Variants in TAF4B observed in about 807,000 individuals in gnomAD.
TAF4B encodes TATA-box binding protein associated factor 4b.
TAF4B carries 38 observed loss-of-function variants against 86.4 expected under a neutral mutation model. The ratio of observed to expected loss-of-function variants is 0.44; its 90% CI spans 0.34 to 0.58. The LOEUF (loss-of-function observed/expected upper bound fraction) is 0.58, where lower values mean the gene tolerates loss of function less well. Among genes scored for constraint, TAF4B ranks in the 20% least tolerant of loss-of-function variants. TAF4B has a pLI of 0.02. For missense variants in TAF4B, 988 were observed against 1,027.6 expected (o/e 0.96, Z 0.53); for synonymous variants, 388 against 391.2 (o/e 0.99, Z 0.10).
intron 1 of TAF4B, among the ~76,000 whole-genome samples, chr18:26,256,819 CTTTTTT>C (rs146699043): frequency 7.2e-4 from 102 of 142,090 alleles, no homozygotes; most frequent in African/African-American, 2.4e-3. Context: ...AGTTACCCCA[CTTTTTT>C]TTTTTTTTCT....
intron 14 of TAF4B, among the ~76,000 whole-genome samples, chr18:26,385,273 A>G (rs1198921664): frequency 6.6e-6 from 1 of 152,240 alleles, no homozygotes; most frequent in Non-Finnish European, 1.5e-5. Context: ...CATTATTAAA[A>G]TGGTGTTATT....
At chr18:26,387,418 T>C (rs1217463290) in intron 14 of TAF4B, among the ~76,000 whole-genome samples, 3 of 152,234 alleles carry the variant, frequency 2.0e-5, no homozygotes, top group Admixed American at 1.3e-4. Flanking sequence ...CTTCCTAATA[T>C]GTACTTTTTA....
At chr18:26,368,781 C>G (rs1042022065) in intron 14 of TAF4B, among the ~76,000 whole-genome samples, 1 of 151,824 alleles carries the variant, frequency 6.6e-6, no homozygotes, top group African/African-American at 2.4e-5. Flanking sequence ...CATAAATGAC[C>G]TAGACATAAA....
intron 1 of TAF4B, among the ~76,000 whole-genome samples, chr18:26,258,062 T>G (rs1310581575): frequency 6.6e-6 from 1 of 152,052 alleles, no homozygotes; most frequent in Non-Finnish European, 1.5e-5. Context: ...GAGACCATCC[T>G]GGCCAACATG....
chr18:26,278,044 C>G (rs114408388), intron 5 of TAF4B, among the ~76,000 whole-genome samples: 2,214 of 152,238 alleles, frequency 0.015, 44 homozygotes, highest in African/African-American at 0.051. Flanking sequence ...AAATATCTAA[C>G]AAATACCCAA....
At chr18:26,261,342 A>G (rs1319905236) in intron 1 of TAF4B, among the ~76,000 whole-genome samples, 1 of 150,642 alleles carries the variant, frequency 6.6e-6, no homozygotes, top group Admixed American at 6.6e-5. Flanking sequence ...CTGGGACTAC[A>G]GGCGCCCGCC....
intron 3 of TAF4B, 30 bp downstream of exon 3, chr18:26,267,653 T>C (rs745819641): frequency 3.1e-5 from 46 of 1,490,154 alleles, no homozygotes; most frequent in Non-Finnish European, 4.1e-5. Flanking sequence ...CGTGCACTTG[T>C]TGTTCTCTTA....
chr18:26,268,575 A>G (rs113133496), intron 3 of TAF4B, among the ~76,000 whole-genome samples: 145 of 152,114 alleles, frequency 9.5e-4, no homozygotes, highest in Non-Finnish European at 1.5e-3. Flanking sequence ...CGGCTTGTCT[A>G]TTTATCATCA....
At chr18:26,324,022 T>C (rs188270730) in intron 11 of TAF4B, among the ~76,000 whole-genome samples, 1 of 152,320 alleles carries the variant, frequency 6.6e-6, no homozygotes, top group East Asian at 1.9e-4. Flanking sequence ...TTTGTTTTGT[T>C]CCATTTTGAT....
intron 1 of TAF4B, among the ~76,000 whole-genome samples, chr18:26,259,716 C>A (rs1416340881): frequency 2.6e-5 from 4 of 152,180 alleles, no homozygotes; most frequent in Non-Finnish European, 4.4e-5. Flanking sequence ...CAAGTCTTTG[C>A]TATTGTGAAT....
chr18:26,290,560 T>A (rs1179361370), intron 7 of TAF4B, among the ~76,000 whole-genome samples: 1 of 152,202 alleles, frequency 6.6e-6, no homozygotes, highest in Admixed American at 6.5e-5. Flanking sequence ...GTACTGTTGC[T>A]ATGGCCTTTG....
chr18:26,296,311 T>C (rs954057898), intron 9 of TAF4B, among the ~76,000 whole-genome samples: 3 of 152,210 alleles, frequency 2.0e-5, no homozygotes, highest in African/African-American at 7.2e-5. Flanking sequence ...CACATTTCAG[T>C]CTGCCAATTT....
chr18:26,243,271 CTTTG>C (rs1362930078), intron 1 of TAF4B, among the ~76,000 whole-genome samples: 4 of 152,116 alleles, frequency 2.6e-5, no homozygotes, highest in African/African-American at 4.8e-5. Context: ...TTCCTGGAGG[CTTTG>C]TTTATTTTTT....
At chr18:26,290,230 C>T (rs1333783183) in intron 7 of TAF4B, among the ~76,000 whole-genome samples, 2 of 152,082 alleles carry the variant, frequency 1.3e-5, no homozygotes, top group Admixed American at 1.3e-4. Flanking sequence ...GCCTCGATCT[C>T]CTGGGCTCAA....
intron 5 of TAF4B, among the ~76,000 whole-genome samples, chr18:26,280,840 A>G (rs948508439): frequency 1.3e-5 from 2 of 152,212 alleles, no homozygotes; most frequent in African/African-American, 2.4e-5. Flanking sequence ...TAAAAAAGAC[A>G]TATGCACTTG....
At chr18:26,380,626 TG>T (rs1455919037) in intron 14 of TAF4B, among the ~76,000 whole-genome samples, 14 of 152,200 alleles carry the variant, frequency 9.2e-5, no homozygotes, top group Non-Finnish European at 1.9e-4. Context: ...AAGTCTGCTT[TG>T]TTTTTTTAAA....
intron 13 of TAF4B, among the ~76,000 whole-genome samples, chr18:26,346,827 ATATATATATG>A (rs2057193797): frequency 3.8e-5 from 1 of 25,986 alleles, no homozygotes; most frequent in Non-Finnish European, 1.0e-4. Flanking sequence ...GTGTGTGTAT[ATATATATATG>A]TGTGTGTGTA....
intron 14 of TAF4B, among the ~76,000 whole-genome samples, chr18:26,361,744 CAAAAAA>C (rs112740348): frequency 1.3e-5 from 1 of 78,048 alleles, no homozygotes; most frequent in Admixed American, 1.4e-4. Flanking sequence ...GACTCCGTCT[CAAAAAA>C]AAAAAAAAAA....
At chr18:26,315,537 G>T in intron 10 of TAF4B, 139 bp downstream of exon 10, 1 of 530,528 alleles carries the variant, frequency 1.9e-6, no homozygotes, top group Non-Finnish European at 3.1e-6. Context: ...GATTTCATGG[G>T]CATTACAGAA....
Sources: allele counts gnomAD v4.1 joint callset (sites outside exome capture counted in the v4.1 genomes callset), GRCh38; gene constraint gnomAD v4.1.1; transcripts MANE v1.5; gene names NCBI Gene and HGNC (gene_info 2026-07-23, HGNC 2026-07-21).